AKAP9: variants seen among roughly 807,000 people sequenced by gnomAD.
AKAP9 encodes A-kinase anchoring protein 9.
AKAP9 carries 311 observed loss-of-function variants against 488.5 expected under a neutral mutation model. The observed-to-expected ratio is 0.64, with a 90% CI of 0.58 to 0.70. AKAP9 has a LOEUF of 0.70. AKAP9 is among the 30% of genes least tolerant of loss of function. The probability of loss-of-function intolerance (pLI) is 0.00; values close to 1 mark genes in which losing one functional copy is unlikely to be tolerated. For synonymous variants in AKAP9, 1,462 were observed against 1,483.5 expected (o/e 0.99, Z 0.33); for missense variants, 4,215 against 4,374.5 (o/e 0.96, Z 1.03).
At chr7:92,024,979 G>T (rs1274616331) in intron 14 of AKAP9, among the ~76,000 whole-genome samples, 1 of 152,062 alleles carries the variant, frequency 6.6e-6, no homozygotes, top group Non-Finnish European at 1.5e-5. Flanking sequence ...GGAGGTTTTT[G>T]AACTTTAATA....
Position 92,080,013 on chromosome 7 carries a change from A to C in AKAP9, c.7880A>C (p.Glu2627Ala), listed in dbSNP as rs777004375. ...CATACTAGTTTGATTTTAGAAAAAG[A>C]ACAAGTAGAAATTGCAGAAAAAAAT... Reference protein sequence around the residue: ...EMHTSLILEKEQVEIAEKNVL... With the variant: ...EMHTSLILEKAQVEIAEKNVL... The change falls in exon 31 of 50, where the codon GAA (glutamate) becomes GCA (alanine). Residue 2627 changes from glutamate (E) to alanine (A), a missense_variant. Physicochemically the swap from Glu to Ala is moderately radical, Grantham distance 107. Around this residue, in one of 5 missense-constraint regions of AKAP9, gnomAD observed 1,476 missense variants for 1,477.4 expected, o/e 1.00. Coordinates refer to ENST00000356239, the MANE Select transcript of AKAP9 (RefSeq NM_005751.5). 6.4e-7 allele frequency: 1 copy of C among 1,563,642 alleles called. No homozygotes were observed. Among genetic ancestry groups the C allele is most frequent in the South Asian group, 1.2e-5 (1 of 81,266 alleles).
chr7:92,079,295 T>C lies in AKAP9; in HGVS notation c.7162T>C (p.Leu2388=), dbSNP rs751354442. The change falls in exon 31 of 50, where the codon TTG becomes CTG. Residue 2388 remains leucine, a synonymous_variant. Coordinates refer to ENST00000356239, the MANE Select transcript of AKAP9 (RefSeq NM_005751.5). ...AGAAGCAGACAGTTTAAAACATCAA[T>C]TGGATGTGGTTATAGCTGAAAAGCT... ...SEEADSLKHQ[L]DVVIAEKLAL... 5.6e-6 allele frequency: 9 copies of C among 1,613,896 alleles called. No individual in the cohort carries two copies. The highest frequency in any genetic ancestry group is 2.2e-5 in the East Asian group (1 of 44,860).
chr7:92,028,748 CT>C (rs1200772868), intron 14 of AKAP9, among the ~76,000 whole-genome samples: 1 of 152,062 alleles, frequency 6.6e-6, no homozygotes, highest in Non-Finnish European at 1.5e-5. Flanking sequence ...ATTAATAAAA[CT>C]TTTTGGAATA....
At chr7:92,041,781 C>T in intron 18 of AKAP9, 1 of 343,420 alleles carries the variant, frequency 2.9e-6, no homozygotes, top group Non-Finnish European at 5.4e-6. Flanking sequence ...TTTGTGAATT[C>T]AAACTTCTTA....
chr7:92,083,171 TA>T lies in AKAP9; in HGVS notation c.8166del (p.Glu2723LysfsTer4). The T allele has an allele frequency of 6.2e-7, 1 of 1,613,784 alleles. No homozygotes were observed. Among genetic ancestry groups the T allele is most frequent in the Non-Finnish European group, 8.5e-7 (1 of 1,179,860 alleles). On this transcript the variant is annotated frameshift_variant and splice_region_variant, in exon 33 of 50. Coordinates refer to ENST00000356239, the MANE Select transcript of AKAP9 (RefSeq NM_005751.5). LOFTEE classifies it high-confidence loss of function. ...KAEKLQEELL[V>X]KETNMTSLQK... ...ACTGTTCTATTCATTACGTTTTAGG[TA>T]AAAGAAACAAATATGACATCTCTTC... is the stretch of plus-strand genomic sequence containing the variant.
At chr7:92,109,952 G>T (rs370284816) in intron 49 of AKAP9, among the ~76,000 whole-genome samples, 170 bp from the exon 50 acceptor site, 1 of 152,052 alleles carries the variant, frequency 6.6e-6, no homozygotes, top group Non-Finnish European at 1.5e-5. Flanking sequence ...CTCCACCTTG[G>T]GGGTAGTGGG....
At chr7:91,985,780 T>G (rs1026513991) in intron 3 of AKAP9, among the ~76,000 whole-genome samples, 4 of 152,150 alleles carry the variant, frequency 2.6e-5, no homozygotes, top group African/African-American at 9.7e-5. Flanking sequence ...GCTGAGTACC[T>G]GGGACTACAG....
rs751654728 is a variant in AKAP9, at chr7:92,001,295, A to G, written c.1378A>G (p.Met460Val). Residue 460 changes from methionine (M) to valine (V), a missense_variant, in exon 8 of 50, where the codon ATG (methionine) becomes GTG (valine). This residue lies in a region of AKAP9 where 2,361 missense variants were observed against 2,430.0 expected (regional missense o/e 0.97). Transcript: ENST00000356239. ...QELIRQHMAQMEEMKTRHKGE... is the reference protein window; with the variant it reads ...QELIRQHMAQVEEMKTRHKGE... ...ATTAATAAGACAACACATGGCACAG[A>G]TGGAGGAAATGAAAACACGGCATAA... 2.5e-6 allele frequency: 4 copies of G among 1,613,922 alleles called. No homozygotes were observed. The African/African-American group carries it at 5.3e-5, about 22-fold the overall frequency.
intron 2 of AKAP9, among the ~76,000 whole-genome samples, chr7:91,977,575 A>G (rs1221619733): frequency 6.6e-6 from 1 of 152,190 alleles, no homozygotes; most frequent in East Asian, 1.9e-4. Flanking sequence ...AAAAACCAAG[A>G]CAAAACCAAA....
At chr7:92,058,518 C>T in intron 22 of AKAP9, 1 of 343,832 alleles carries the variant, frequency 2.9e-6, no homozygotes. Flanking sequence ...TGATGCGTTA[C>T]TACTCATTCA....
chr7:92,034,501 T>TGA (rs1804864955), intron 16 of AKAP9, among the ~76,000 whole-genome samples: 2 of 107,078 alleles, frequency 1.9e-5, no homozygotes, highest in Non-Finnish European at 3.7e-5. Context: ...TATATATATT[T>TGA]TTTTTTTTTT....
intron 8 of AKAP9, among the ~76,000 whole-genome samples, chr7:92,005,853 G>A (rs1399120340): frequency 6.6e-6 from 1 of 151,720 alleles, no homozygotes; most frequent in East Asian, 2.0e-4. Context: ...ATTTTTAGTA[G>A]AGACAAGGTT....
chr7:92,029,860 A>G, intron 14 of AKAP9, 35 bp from the exon 15 acceptor site: 1 of 1,536,660 alleles, frequency 6.5e-7, no homozygotes, highest in African/African-American at 1.4e-5. Flanking sequence ...CACATATACA[A>G]CTCTAATTCT....
At chr7:92,010,170 C>G (rs1217483047) in intron 8 of AKAP9, among the ~76,000 whole-genome samples, 1 of 152,196 alleles carries the variant, frequency 6.6e-6, no homozygotes, top group Non-Finnish European at 1.5e-5. Context: ...GAAATAGACA[C>G]AAACCTTCTT....
chr7:92,040,648 T>TTG (rs1554428072), intron 17 of AKAP9, 26 bp from the exon 18 acceptor site: 2 of 866,168 alleles, frequency 2.3e-6, no homozygotes, highest in African/African-American at 3.5e-5. Flanking sequence ...GTTGAATTGT[T>TTG]TTTTTTTTTT....
intron 14 of AKAP9, among the ~76,000 whole-genome samples, chr7:92,027,882 T>A (rs1321590297): frequency 6.6e-6 from 1 of 152,094 alleles, no homozygotes; most frequent in Non-Finnish European, 1.5e-5. Flanking sequence ...GAAAGAGAGA[T>A]CAGATTGTTA....
rs767035977 is a variant in AKAP9, at chr7:92,099,711, T to A, written c.10738T>A (p.Ser3580Thr). Residue 3580 changes from serine to threonine, a missense_variant, in exon 44 of 50, where the codon TCT (serine) becomes ACT (threonine). Ser to Thr is a moderately conservative substitution (Grantham distance 58, BLOSUM62 1). Coordinates refer to ENST00000356239, the MANE Select transcript of AKAP9 (RefSeq NM_005751.5). ...EEPSLVSPST[S>T]CGSLTERLLR... ...GCCCAGCTTGGTGTCCCCAAGTACT[T>A]CTTGTGGCTCATTGACTGAAAGACT... 4.3e-6 allele frequency: 7 copies of A among 1,613,972 alleles called. No individual in the cohort carries two copies. In the African/African-American group the frequency reaches 8.0e-5, roughly 18 times the overall value.
chr7:92,075,090 TAA>T (rs113217081), intron 28 of AKAP9, among the ~76,000 whole-genome samples: 8 of 150,874 alleles, frequency 5.3e-5, no homozygotes, highest in South Asian at 4.2e-4. Context: ...AGTCAAAAAT[TAA>T]AAAAAAAATA....
intron 16 of AKAP9, among the ~76,000 whole-genome samples, chr7:92,036,650 T>A (rs548749521): frequency 6.6e-6 from 1 of 152,326 alleles, no homozygotes; most frequent in East Asian, 1.9e-4. Context: ...ATCTCTGTTC[T>A]TCTCTTTCAT....
Sources: gnomAD v4.1 joint callset for allele counts (sites outside exome capture counted in the v4.1 genomes callset) on GRCh38, gnomAD v4.1.1 for gene constraint, gnomAD v4.1.1 regional missense constraint, MANE v1.5 for transcripts, NCBI Gene and HGNC (gene_info 2026-07-23, HGNC 2026-07-21) for gene names.